Variants in CEP78 observed in about 807,000 individuals in gnomAD.
CEP78 encodes the protein centrosomal protein 78.
CEP78 carries 76 observed loss-of-function variants against 81.2 expected under a neutral mutation model. The ratio of observed to expected loss-of-function variants is 0.94; its 90% confidence interval spans 0.78 to 1.13. The LOEUF is 1.13. CEP78 is among the 50% of genes most tolerant of loss of function. The pLI is 0.00. For missense variants in CEP78, 918 were observed against 846.8 expected (o/e 1.08, Z -1.04); for synonymous variants, 293 against 301.4 (o/e 0.97, Z 0.29).
chr9:78,252,010 C>G lies in CEP78; in HGVS notation c.1172C>G (p.Pro391Arg). Residue 391 changes from proline to arginine, a missense_variant, in exon 9 of 17, where the codon CCG becomes CGG. By Grantham distance (103) the Pro-to-Arg change is moderately radical. Coordinates refer to ENST00000643273, the MANE Select transcript of CEP78 (RefSeq NM_001330691.3). ...PLPPGVSGFL[P>R]WRTAERAKRH... Reference sequence around the variant, plus strand: ...CCACCTGGTGTGTCTGGTTTCTTGCCGTGGCGTACTGCAGAACGTGCAAAA... The same window carrying G: ...CCACCTGGTGTGTCTGGTTTCTTGCGGTGGCGTACTGCAGAACGTGCAAAA... 6.2e-7 allele frequency: 1 copy of G among 1,601,220 alleles called. No homozygotes were observed.
intron 1 of CEP78, among the ~76,000 whole-genome samples, chr9:78,239,620 C>A (rs1260218279): frequency 6.6e-6 from 1 of 151,366 alleles, no homozygotes; most frequent in African/African-American, 2.4e-5. Context: ...CTTCTCCCTG[C>A]CTCTTTGTAA....
In CEP78 at chr9:78,236,478, T is replaced by A; in HGVS notation, c.128T>A (p.Leu43Gln). 6.2e-7 allele frequency: 1 copy of A among 1,607,508 alleles called. No individual in the cohort carries two copies. The highest frequency in any genetic ancestry group is 1.3e-5 in the African/African-American group (1 of 74,960). The part of the protein sequence containing the change: ...AVRACLREGV[L>Q]DFNADRLRGV... The stretch of plus-strand genomic sequence containing the variant: ...CGCGCCTGTCTCCGGGAGGGCGTGC[T>A]GGATTTCAACGCCGACCGCCTCCGC... The change falls in exon 1 of 17, where the codon CTG becomes CAG. Residue 43 changes from leucine (L) to glutamine (Q), a missense_variant. Leu to Gln is a moderately radical substitution (Grantham distance 113). Transcript: ENST00000643273.
At chr9:78,236,785 A>G in intron 1 of CEP78, 182 bp downstream of exon 1, 2 of 688,038 alleles carry the variant, frequency 2.9e-6, no homozygotes, top group East Asian at 3.2e-5. Context: ...CATGGGCTTA[A>G]TAACGAGACC....
At chr9:78,236,718 C>T (rs948933493) in intron 1 of CEP78, 115 bp downstream of exon 1, 10 of 1,368,552 alleles carry the variant, frequency 7.3e-6, no homozygotes, top group African/African-American at 5.9e-5. Context: ...GGCCTGGACA[C>T]TCACGAGCTA....
intron 1 of CEP78, 28 bp from the exon 2 acceptor site, chr9:78,239,995 C>T: frequency 6.6e-7 from 1 of 1,524,734 alleles, no homozygotes; most frequent in Non-Finnish European, 8.8e-7. Flanking sequence ...TGATTGAAGT[C>T]ACTAACTTTC....
rs927509270 is a variant in CEP78, at chr9:78,274,491, A to T, written c.*3640A>T. On this transcript the variant is annotated 3_prime_UTR_variant, in exon 17 of 17. Coordinates refer to ENST00000643273, the MANE Select transcript of CEP78 (RefSeq NM_001330691.3). ...AAAATTAGTTTTACTCTATAATAAT[A>T]TTAGAGCTTAAAAAATTCATCCCTC... The T allele has an allele frequency of 1.1e-4, 16 of 152,278 alleles. No individual in the cohort carries two copies. Among genetic ancestry groups the T allele is most frequent in the African/African-American group, 3.9e-4 (16 of 41,506 alleles). The allele number at this position is 152,278 out of a possible 1,614,324, so 9.4% of individuals were successfully genotyped here.
chr9:78,239,651 C>G (rs149096940), intron 1 of CEP78, among the ~76,000 whole-genome samples: 1 of 152,188 alleles, frequency 6.6e-6, no homozygotes, highest in African/African-American at 2.4e-5. Flanking sequence ...CTTCCGGCTA[C>G]GGCTCTGGGC....
Position 78,240,307 on chromosome 9 carries a change from G to A in CEP78, c.442G>A (p.Ala148Thr). The A allele has an allele frequency of 6.2e-7, 1 of 1,600,886 alleles. No homozygotes were observed. The highest frequency in any genetic ancestry group is 8.5e-7 in the Non-Finnish European group (1 of 1,172,648). Residue 148 changes from alanine (A) to threonine (T), a missense_variant, in exon 3 of 17, where the codon GCT (alanine) becomes ACT (threonine). Ala to Thr is a moderately conservative substitution (Grantham distance 58, BLOSUM62 0). Transcript: ENST00000643273. ...TILAKGLNKS[A>T]SLVHLSLANC... ...CTCATTAAAGGGATTGAATAAATCG[G>A]CTTCTTTGGTGCACCTGTCTCTTGC...
intron 5 of CEP78, among the ~76,000 whole-genome samples, chr9:78,245,862 G>A (rs1228486608): frequency 6.6e-6 from 1 of 151,646 alleles, no homozygotes; most frequent in Non-Finnish European, 1.5e-5. Context: ...TTCTTTCTTT[G>A]TCATTTTTAT....
At chr9:78,244,247 C>T (rs953707731) in intron 5 of CEP78, among the ~76,000 whole-genome samples, 4 of 150,878 alleles carry the variant, frequency 2.7e-5, no homozygotes, top group Non-Finnish European at 4.4e-5. Flanking sequence ...CAAGTATCCT[C>T]CCACTATACC....
intron 10 of CEP78, chr9:78,254,592 G>GAA: frequency 5.9e-6 from 1 of 168,750 alleles, no homozygotes; most frequent in Non-Finnish European, 1.2e-5. Context: ...ATGTAAAAAA[G>GAA]AAAAAAAAAA....
At chr9:78,241,615 T>TA (rs1826231598) in intron 3 of CEP78, 81 bp from the exon 4 acceptor site, 8 of 623,000 alleles carry the variant, frequency 1.3e-5, no homozygotes, top group Non-Finnish European at 2.0e-5. Flanking sequence ...AGAAAAGATA[T>TA]AAGAAGAGCA....
intron 4 of CEP78, among the ~76,000 whole-genome samples, chr9:78,242,385 G>T (rs1269766588): frequency 6.6e-6 from 1 of 152,116 alleles, no homozygotes; most frequent in Non-Finnish European, 1.5e-5. Flanking sequence ...GATAGATAAT[G>T]GTTACTCATG....
chr9:78,265,736 A>G (rs1024679677), intron 14 of CEP78, 123 bp from the exon 15 acceptor site: 10 of 752,484 alleles, frequency 1.3e-5, no homozygotes, highest in Non-Finnish European at 2.0e-5. Context: ...ATAAAAAATA[A>G]GAAAGTTCTT....
chr9:78,238,950 C>T (rs192867832), intron 1 of CEP78, among the ~76,000 whole-genome samples: 25 of 151,992 alleles, frequency 1.6e-4, no homozygotes, highest in Admixed American at 1.3e-3. Context: ...GATTTTGCCA[C>T]TGTACTCCAG....
rs1827764356 is a variant in CEP78 at position 78,274,631 on chromosome 9, T to C, written c.*3780T>C. On this transcript the variant is annotated 3_prime_UTR_variant, in exon 17 of 17. Coordinates refer to ENST00000643273, the MANE Select transcript of CEP78 (RefSeq NM_001330691.3). Reference sequence around the variant, plus strand: ...ACCAATAGAACATTCATATAAATGATTCCTATGAAGGTAAAAAACTTACAA... The same window carrying C: ...ACCAATAGAACATTCATATAAATGACTCCTATGAAGGTAAAAAACTTACAA... The C allele has an allele frequency of 6.6e-6, 1 of 152,168 alleles. No homozygotes were observed. Among genetic ancestry groups the C allele is most frequent in the African/African-American group, 2.4e-5 (1 of 41,448 alleles). The allele number at this position is 152,168 out of a possible 1,614,324, so 9.4% of individuals were successfully genotyped here.
chr9:78,259,615 A>G (rs1389983184), intron 11 of CEP78, among the ~76,000 whole-genome samples: 2 of 152,278 alleles, frequency 1.3e-5, no homozygotes, highest in Non-Finnish European at 2.9e-5. Context: ...TGCGTTGATC[A>G]TATTTTGTAC....
rs199972008 is a variant in CEP78, at chr9:78,243,471, A to G, written c.613A>G (p.Met205Val). The change falls in exon 5 of 17, where the codon ATG (methionine) becomes GTG (valine). Residue 205 changes from methionine (M) to valine (V), a missense_variant. Met to Val is a conservative substitution (Grantham distance 21, BLOSUM62 1). Transcript: ENST00000643273. ...HMAKILKYQT[M>V]RRHEETWAES... ...TATTAAATCTTTGAAGTATCAGACC[A>G]TGAGAAGGCATGAAGAAACCTGGGC... 50 of 1,612,700 alleles carry G rather than the reference A, an allele frequency of 3.1e-5. No individual in the cohort carries two copies. Among genetic ancestry groups the G allele is most frequent in the Admixed American group, 3.0e-4 (18 of 59,778 alleles).
rs949124041 is a variant in CEP78, at chr9:78,271,400, A to G, written c.*549A>G. 7 of 152,328 alleles carry G rather than the reference A, an allele frequency of 4.6e-5. No individual in the cohort carries two copies. The highest frequency in any genetic ancestry group is 1.3e-4 in the Admixed American group (2 of 15,288). The allele number at this position is 152,328 out of a possible 1,614,324, so 9.4% of individuals were successfully genotyped here. On this transcript the variant is annotated 3_prime_UTR_variant, in exon 17 of 17. Coordinates refer to ENST00000643273, the MANE Select transcript of CEP78 (RefSeq NM_001330691.3). ...AAGATAGTTACTAGGAGAAACATGA[A>G]ATTTTTAAATTAATGAATCAAAATC... is the stretch of plus-strand genomic sequence containing the variant.
Sources: allele counts gnomAD v4.1 joint callset (sites outside exome capture counted in the v4.1 genomes callset), GRCh38; gene constraint gnomAD v4.1.1; transcripts MANE v1.5; gene names NCBI Gene and HGNC (gene_info 2026-07-23, HGNC 2026-07-21).